Variants in RFX4 observed in about 807,000 individuals in gnomAD.
RFX4 encodes transcription factor RFX4.
A neutral mutation model predicts 95.0 loss-of-function variants in RFX4; 10 were observed. The observed-to-expected ratio is 0.11, with a 90% CI of 0.06 to 0.18. RFX4 has a LOEUF of 0.18. RFX4 is among the 10% of genes least tolerant of loss of function. The pLI, the probability that RFX4 is intolerant of heterozygous loss-of-function variation, is 1.00. For synonymous variants in RFX4, 321 were observed against 340.7 expected (o/e 0.94, Z 0.64); for missense variants, 640 against 922.0 (o/e 0.69, Z 3.96).
chr12:106,642,154 G>A (rs959396278), intron 3 of RFX4, among the ~76,000 whole-genome samples: 2 of 151,982 alleles, frequency 1.3e-5, no homozygotes, highest in Non-Finnish European at 2.9e-5. Context: ...GGGATTACAG[G>A]CATGCACCAC....
intron 8 of RFX4, among the ~76,000 whole-genome samples, chr12:106,705,173 A>G (rs184537921): frequency 2.6e-4 from 39 of 152,332 alleles, no homozygotes; most frequent in African/African-American, 8.9e-4. Context: ...GGCTGAGGTG[A>G]GGATTAATTA....
intron 2 of RFX4, among the ~76,000 whole-genome samples, chr12:106,622,622 ATTTT>A (rs34736856): frequency 3.0e-5 from 4 of 132,250 alleles, no homozygotes; most frequent in African/African-American, 5.5e-5. Context: ...TCCAAGCTGC[ATTTT>A]TTTTTTTTTT....
intron 4 of RFX4, among the ~76,000 whole-genome samples, chr12:106,678,029 G>A (rs1029022102): frequency 1.3e-5 from 2 of 152,146 alleles, no homozygotes; most frequent in African/African-American, 4.8e-5. Flanking sequence ...TATTCAAAAA[G>A]AATAAGTAAA....
At chr12:106,588,042 C>G (rs1196320083) in intron 1 of RFX4, among the ~76,000 whole-genome samples, 2 of 152,180 alleles carry the variant, frequency 1.3e-5, no homozygotes, top group Admixed American at 1.3e-4. Context: ...GCTGGGATCT[C>G]TGACAAGGTA....
intron 1 of RFX4, among the ~76,000 whole-genome samples, chr12:106,603,733 C>G (rs1415552228): frequency 6.6e-6 from 1 of 152,208 alleles, no homozygotes; most frequent in Non-Finnish European, 1.5e-5. Flanking sequence ...AACTCAGTAC[C>G]AGTATTGCAG....
In RFX4 at chr12:106,653,897, G is replaced by A. The variant is rs145243866; in HGVS notation, c.192-331G>A. On this transcript the variant is annotated intron_variant, in intron 3 of 17. Transcript: ENST00000392842. ...TCCTGGCTGATTGGGGCACCCACAA[G>A]ACCCTATGTAGTTTTTGGAGTTTGC... is the stretch of plus-strand genomic sequence containing the variant. Among the ~76,000 whole-genome samples the A allele has an allele frequency of 2.1e-3, 319 of 152,306 alleles. 1 individual carries two copies. The Middle Eastern group carries it at 0.034, about 16-fold the overall frequency.
intron 4 of RFX4, among the ~76,000 whole-genome samples, chr12:106,681,792 A>C (rs2041520703): frequency 6.6e-6 from 1 of 152,152 alleles, no homozygotes; most frequent in South Asian, 2.1e-4. Flanking sequence ...AGACCCCCTT[A>C]GTATCCAGAG....
intron 4 of RFX4, among the ~76,000 whole-genome samples, chr12:106,676,060 G>T (rs557388205): frequency 6.6e-6 from 1 of 152,332 alleles, no homozygotes; most frequent in African/African-American, 2.4e-5. Context: ...GATGCGTAGA[G>T]ATGGGAGGAT....
chr12:106,658,068 A>T (rs1417686263), intron 4 of RFX4, among the ~76,000 whole-genome samples: 1 of 152,056 alleles, frequency 6.6e-6, no homozygotes, highest in Non-Finnish European at 1.5e-5. Flanking sequence ...CTTTCTGTTC[A>T]TTATGCATCC....
At chr12:106,634,567 T>G (rs1021283687) in intron 2 of RFX4, among the ~76,000 whole-genome samples, 1 of 152,202 alleles carries the variant, frequency 6.6e-6, no homozygotes, top group Non-Finnish European at 1.5e-5. Flanking sequence ...ATAATTAGAT[T>G]GTTAAACATC....
At chr12:106,638,908 A>T (rs2040564635) in intron 2 of RFX4, among the ~76,000 whole-genome samples, 1 of 152,182 alleles carries the variant, frequency 6.6e-6, no homozygotes, top group South Asian at 2.1e-4. Flanking sequence ...TATCATCATC[A>T]TCTGGGGGAT....
Position 106,591,261 on chromosome 12 carries a change from C to CTTTTTTTTTTTTTTTT in RFX4, c.43+7898_43+7899insTTTTTTTTTTTTTTTT, listed in dbSNP as rs1565942195. 3.0e-5 allele frequency among the ~76,000 whole-genome samples: 2 copies of CTTTTTTTTTTTTTTTT among 66,466 alleles called. 1 individual carries two copies. Among genetic ancestry groups the CTTTTTTTTTTTTTTTT allele is most frequent in the African/African-American group, 1.3e-4 (2 of 15,316 alleles). 43.6% of individuals were successfully genotyped at this position (66,466 alleles called of 152,430 possible). On this transcript the variant is annotated intron_variant, in intron 1 of 17. Coordinates refer to ENST00000392842, the MANE Select transcript of RFX4 (RefSeq NM_213594.3). ...CCTATATGAAAGTGTTAAAATAGTC[C>CTTTTTTTTTTTTTTTT]CTTTTTTTTTTTTTTTTTTTTTTTT...
chr12:106,761,332 C>T lies in RFX4; in HGVS notation c.2071C>T (p.His691Tyr). The T allele has an allele frequency of 3.7e-6, 6 of 1,614,106 alleles. No individual in the cohort carries two copies. Among genetic ancestry groups the T allele is most frequent in the Non-Finnish European group, 5.1e-6 (6 of 1,180,020 alleles). ...CACGTGCTACACAAGCCCGTCTGTG[C>T]ATTCTGCGAGGTACGGAAACTCTAG... ...ANTCYTSPSV[H>Y]SARYGNSSDM... Residue 691 changes from histidine to tyrosine, a missense_variant, in exon 18 of 18, where the codon CAT (histidine) becomes TAT (tyrosine). Coordinates refer to ENST00000392842, the MANE Select transcript of RFX4 (RefSeq NM_213594.3).
intron 7 of RFX4, among the ~76,000 whole-genome samples, chr12:106,691,665 G>A (rs1400660821): frequency 6.6e-6 from 1 of 152,104 alleles, no homozygotes. Flanking sequence ...TATCTTGTTT[G>A]TTCACTTGTT....
chr12:106,737,065 C>A (rs940477015), intron 15 of RFX4, among the ~76,000 whole-genome samples: 1 of 151,864 alleles, frequency 6.6e-6, no homozygotes, highest in African/African-American at 2.4e-5. Context: ...TTTCCCTCAC[C>A]CTCCAAGTTA....
intron 4 of RFX4, 105 bp downstream of exon 4, chr12:106,654,456 C>A: frequency 7.6e-7 from 1 of 1,323,914 alleles, no homozygotes; most frequent in Non-Finnish European, 1.0e-6. Flanking sequence ...TATCAAAGTA[C>A]TTACTTACTT....
At chr12:106,666,480 T>C (rs2041178534) in intron 4 of RFX4, among the ~76,000 whole-genome samples, 1 of 152,158 alleles carries the variant, frequency 6.6e-6, no homozygotes, top group Admixed American at 6.5e-5. Context: ...TTCTCAGTCA[T>C]TTTTGTTTCA....
chr12:106,715,034 A>G (rs1372746715), intron 10 of RFX4: 1 of 172,138 alleles, frequency 5.8e-6, no homozygotes, highest in East Asian at 1.5e-4. Context: ...CACAAGGATA[A>G]TTCAGCACAG....
intron 7 of RFX4, among the ~76,000 whole-genome samples, chr12:106,694,599 T>C (rs1188573654): frequency 1.3e-5 from 2 of 152,222 alleles, no homozygotes; most frequent in African/African-American, 4.8e-5. Context: ...ACATAGGCTC[T>C]ATCTCAGCCA....
Sources: gnomAD v4.1 joint callset for allele counts (sites outside exome capture counted in the v4.1 genomes callset) on GRCh38, gnomAD v4.1.1 for gene constraint, MANE v1.5 for transcripts, NCBI Gene and HGNC (gene_info 2026-07-23, HGNC 2026-07-21) for gene names.